The following ADGRV1 variants were observed in gnomAD, a reference collection of about 807,000 sequenced individuals.
The protein encoded by ADGRV1 is adhesion G protein-coupled receptor V1, also known as G-protein coupled receptor 98.
Under a neutral mutation model 596.2 loss-of-function variants are expected in ADGRV1, and 359 were observed. That is an observed-to-expected ratio of 0.60 (90% CI 0.55 to 0.66). The LOEUF (loss-of-function observed/expected upper bound fraction) is 0.66. ADGRV1 is among the 30% of genes least tolerant of loss of function. ADGRV1 has a pLI of 0.00. For synonymous variants in ADGRV1, 2,681 were observed against 2,679.2 expected (o/e 1.00, Z -0.02); for missense variants, 7,274 against 7,575.6 (o/e 0.96, Z 1.48).
In ADGRV1 at chr5:91,164,019, A is replaced by G. The variant is rs1469128454; in HGVS notation, c.*119A>G. ...CTGTGAATTGTACTGGATGATTAATACAAACGTGATTGTTGTATTTGGAGT... is the reference window on the plus strand; with the variant it reads ...CTGTGAATTGTACTGGATGATTAATGCAAACGTGATTGTTGTATTTGGAGT... On this transcript the variant is annotated 3_prime_UTR_variant, in exon 90 of 90. Transcript: ENST00000405460. 2.8e-6 allele frequency: 2 copies of G among 705,172 alleles called. No homozygotes were observed. Among genetic ancestry groups the G allele is most frequent in the South Asian group, 3.0e-5 (2 of 66,916 alleles). The allele number at this position is 705,172 out of a possible 1,614,324, so 43.7% of individuals were successfully genotyped here.
chr5:90,715,314 G>A (rs766610360), intron 42 of ADGRV1, among the ~76,000 whole-genome samples: 24 of 152,178 alleles, frequency 1.6e-4, no homozygotes, highest in Non-Finnish European at 3.4e-4. Flanking sequence ...TTAGACACTG[G>A]GTTGAATGAA....
chr5:90,715,685 A>C (rs2149739882), intron 42 of ADGRV1, among the ~76,000 whole-genome samples: 1 of 151,776 alleles, frequency 6.6e-6, no homozygotes, highest in South Asian at 2.1e-4. Context: ...TGATCTTTAG[A>C]GATATTATAA....
chr5:90,861,556 A>G lies in ADGRV1; in HGVS notation c.17756-2201A>G, dbSNP rs551237603. Among the ~76,000 whole-genome samples the G allele has an allele frequency of 1.4e-3, 208 of 151,288 alleles. 3 individuals carry two copies. The highest frequency in any genetic ancestry group is 3.2e-3 in the Admixed American group (48 of 15,192). ...GATCTCCTGACCTCGTGATCTGCCC[A>G]CCTTGGCCTCCCAAAGTGCTGGGAT... On this transcript the variant is annotated intron_variant, in intron 82 of 89. Coordinates refer to ENST00000405460, the MANE Select transcript of ADGRV1 (RefSeq NM_032119.4).
At chr5:90,648,719 G>A (rs942657349) in intron 17 of ADGRV1, among the ~76,000 whole-genome samples, 5 of 151,906 alleles carry the variant, frequency 3.3e-5, no homozygotes, top group Non-Finnish European at 7.4e-5. Context: ...TTCTCCTTTT[G>A]TCTTTCTCTG....
chr5:90,592,147 A>G (rs978758880), intron 1 of ADGRV1, among the ~76,000 whole-genome samples: 1 of 152,254 alleles, frequency 6.6e-6, no homozygotes, highest in Non-Finnish European at 1.5e-5. Context: ...TCATTATATG[A>G]AAAAGATACT....
chr5:91,033,922 A>AT (rs1009274925), intron 85 of ADGRV1, among the ~76,000 whole-genome samples: 2 of 152,102 alleles, frequency 1.3e-5, no homozygotes, highest in Non-Finnish European at 2.9e-5. Flanking sequence ...AATCTTAGTG[A>AT]TTTTTTATAT....
At chr5:90,766,640 A>C (rs911267379) in intron 59 of ADGRV1, among the ~76,000 whole-genome samples, 6 of 152,210 alleles carry the variant, frequency 3.9e-5, no homozygotes, top group Admixed American at 1.3e-4. Context: ...TCCCACAGTG[A>C]TAAGAAGTGA....
At chr5:90,570,633 T>A (rs1756398695) in intron 1 of ADGRV1, among the ~76,000 whole-genome samples, 1 of 152,140 alleles carries the variant, frequency 6.6e-6, no homozygotes, top group Non-Finnish European at 1.5e-5. Flanking sequence ...TTTTGTCTTT[T>A]TGTTCCTCAG....
intron 84 of ADGRV1, among the ~76,000 whole-genome samples, chr5:90,976,318 G>GTATATATATATATATA (rs1465709028): frequency 6.6e-5 from 8 of 120,778 alleles, no homozygotes; most frequent in African/African-American, 2.7e-4. Context: ...GTGTGTGTGT[G>GTATATATATATATATA]TGTGTATATA....
intron 83 of ADGRV1, among the ~76,000 whole-genome samples, chr5:90,924,114 T>G (rs371306104): frequency 2.7e-5 from 4 of 150,848 alleles, no homozygotes; most frequent in Admixed American, 6.6e-5. Context: ...TCTTTATAGC[T>G]GCATGATTTA....
intron 83 of ADGRV1, 98 bp from the exon 84 acceptor site, chr5:90,965,317 C>A (rs1778354032): frequency 8.0e-6 from 6 of 748,962 alleles, no homozygotes; most frequent in Admixed American, 4.1e-5. Context: ...CACATGGAAT[C>A]ACTGAGTCAT....
Position 90,627,335 on chromosome 5 carries a change from T to C in ADGRV1, c.797T>C (p.Leu266Pro). The C allele has an allele frequency of 6.2e-7, 1 of 1,613,930 alleles. No individual in the cohort carries two copies. The highest frequency in any genetic ancestry group is 8.5e-7 in the Non-Finnish European group (1 of 1,179,818). The change falls in exon 7 of 90, where the codon CTT becomes CCT. Residue 266 changes from leucine (L) to proline (P), a missense_variant. Leu to Pro is a moderately conservative substitution (Grantham distance 98, BLOSUM62 -3). Around this residue, in one of 5 missense-constraint regions of ADGRV1, gnomAD observed 1,715 missense variants for 1,708.8 expected, o/e 1.00. Transcript: ENST00000405460. ...IKKNDSPVRF[L>P]QSIYLVPEED... Reference sequence around the variant, plus strand: ...AAAAATGATAGTCCCGTGAGATTCCTTCAGAGTATTTATTTGGTTCCTGAG... The same window carrying C: ...AAAAATGATAGTCCCGTGAGATTCCCTCAGAGTATTTATTTGGTTCCTGAG...
chr5:91,014,901 TTG>T (rs1783052117), intron 85 of ADGRV1, among the ~76,000 whole-genome samples: 1 of 151,980 alleles, frequency 6.6e-6, no homozygotes, highest in African/African-American at 2.4e-5. Flanking sequence ...GGGATTTTGG[TTG>T]TTTCTTGTCT....
chr5:90,666,963 T>A (rs1580662758), intron 21 of ADGRV1, among the ~76,000 whole-genome samples: 1 of 152,116 alleles, frequency 6.6e-6, no homozygotes, highest in Non-Finnish European at 1.5e-5. Context: ...GCTTGTAGGG[T>A]TTCTGCCAAG....
chr5:90,976,336 A>G (rs1390694917), intron 84 of ADGRV1, among the ~76,000 whole-genome samples: 1 of 145,272 alleles, frequency 6.9e-6, no homozygotes, highest in Non-Finnish European at 1.5e-5. Flanking sequence ...ATATATATAT[A>G]TATATATATA....
chr5:90,643,056 A>G lies in ADGRV1; in HGVS notation c.2553+15A>G. ...GGATACCAGAGGTATGGGATTTTAT[A>G]TTTTCTTTGTGTTTCTCTGTAAGAT... On this transcript the variant is annotated intron_variant, in intron 13 of 89. Transcript: ENST00000405460. The G allele has an allele frequency of 6.3e-6, 10 of 1,599,394 alleles. No individual in the cohort carries two copies. The highest frequency in any genetic ancestry group is 8.6e-6 in the Non-Finnish European group (10 of 1,167,646).
In ADGRV1 at chr5:90,558,890, G is replaced by A. The variant is rs1333102364; in HGVS notation, c.-6G>A. On this transcript the variant is annotated 5_prime_UTR_variant, in exon 1 of 90. Coordinates refer to ENST00000405460, the MANE Select transcript of ADGRV1 (RefSeq NM_032119.4). ...AGGGCCGGCGGGGACCGCCGGGAGC[G>A]CGCGGATGTCGGTGTTCCTGGGGCC... 1.3e-6 allele frequency: 2 copies of A among 1,559,790 alleles called. No homozygotes were observed. The highest frequency in any genetic ancestry group is 1.4e-5 in the African/African-American group (1 of 73,940).
intron 85 of ADGRV1, among the ~76,000 whole-genome samples, chr5:91,019,229 G>A (rs1783427161): frequency 6.6e-6 from 1 of 151,946 alleles, no homozygotes; most frequent in Non-Finnish European, 1.5e-5. Flanking sequence ...AATTTCAAAG[G>A]AAATTCTAAA....
At chr5:90,891,450 ATTAC>A (rs1203322019) in intron 83 of ADGRV1, among the ~76,000 whole-genome samples, 1 of 151,626 alleles carries the variant, frequency 6.6e-6, no homozygotes, top group Non-Finnish European at 1.5e-5. Context: ...AGGGAAGCAA[ATTAC>A]TTACGGTAAA....
Sources: allele counts gnomAD v4.1 joint callset (sites outside exome capture counted in the v4.1 genomes callset), GRCh38; gene constraint gnomAD v4.1.1; regional missense constraint gnomAD v4.1.1; transcripts MANE v1.5; gene names NCBI Gene and HGNC (gene_info 2026-07-23, HGNC 2026-07-21).